MB21D2: variants seen among roughly 807,000 people sequenced by gnomAD.
MB21D2 encodes nucleotidyltransferase MB21D2.
MB21D2 carries 9 observed loss-of-function variants against 33.3 expected under a neutral mutation model. The observed-to-expected ratio is 0.27, with a 90% CI of 0.16 to 0.47. The LOEUF (loss-of-function observed/expected upper bound fraction) is 0.47. Ranked by LOEUF, MB21D2 falls within the 20% of genes least tolerant of loss-of-function variation. The pLI is 0.99. For synonymous variants in MB21D2, 241 were observed against 236.3 expected, an observed-to-expected ratio of 1.02 and a Z score of -0.18; for missense variants, 540 against 624.6, an observed-to-expected ratio of 0.86 and a Z score of 1.44.
chr3:192,827,123 C>T (rs1712191254), intron 1 of MB21D2, among the ~76,000 whole-genome samples: 1 of 152,068 alleles, frequency 6.6e-6, no homozygotes, highest in Non-Finnish European at 1.5e-5. Context: ...GTCTCGATCT[C>T]CTGACCTCGT....
intron 1 of MB21D2, among the ~76,000 whole-genome samples, chr3:192,857,362 G>A (rs921480398): frequency 5.9e-5 from 9 of 152,134 alleles, no homozygotes; most frequent in African/African-American, 2.2e-4. Context: ...GTGGAAGATG[G>A]GCTTTAAAGA....
At chr3:192,886,992 A>G (rs1301044230) in intron 1 of MB21D2, among the ~76,000 whole-genome samples, 1 of 112,318 alleles carries the variant, frequency 8.9e-6, no homozygotes, top group Non-Finnish European at 1.8e-5. Flanking sequence ...TAAGGAAAGG[A>G]AAAAAAAAAA....
At chr3:192,864,029 T>C (rs571170020) in intron 1 of MB21D2, among the ~76,000 whole-genome samples, 95 of 152,310 alleles carry the variant, frequency 6.2e-4, no homozygotes, top group African/African-American at 2.0e-3. Flanking sequence ...CAGATGTCTT[T>C]ACATCAGTAG....
At position 192,899,432 on chromosome 3, in the gene MB21D2, G is replaced by T. The variant is rs563410270; in HGVS notation, c.211+18198C>A. On this transcript the variant is annotated intron_variant, in intron 1 of 1. Coordinates refer to ENST00000392452, the MANE Select transcript of MB21D2 (RefSeq NM_178496.4). ...TAATCCCAGCTACTTGGGAGGCTGA[G>T]GCAGGAGAATCACTTGAACCCAGGA... Among the ~76,000 whole-genome samples the T allele has an allele frequency of 5.3e-5, 8 of 152,236 alleles. No homozygotes were observed. In the East Asian group the frequency reaches 1.5e-3, roughly 29 times the overall value.
intron 1 of MB21D2, among the ~76,000 whole-genome samples, chr3:192,800,024 T>C (rs1711522563): frequency 6.6e-6 from 1 of 152,188 alleles, no homozygotes; most frequent in Non-Finnish European, 1.5e-5. Context: ...CCAAATCTTT[T>C]CCATGGAACC....
intron 1 of MB21D2, among the ~76,000 whole-genome samples, chr3:192,905,824 CCT>C (rs1714205170): frequency 6.6e-6 from 1 of 151,534 alleles, no homozygotes; most frequent in Non-Finnish European, 1.5e-5. Context: ...CAGAGCACGC[CCT>C]GTCTCAAAAA....
intron 1 of MB21D2, among the ~76,000 whole-genome samples, chr3:192,880,693 A>G (rs906365274): frequency 6.6e-6 from 1 of 152,168 alleles, no homozygotes; most frequent in African/African-American, 2.4e-5. Flanking sequence ...TGTAACTGTC[A>G]GCAAGCCCTC....
At chr3:192,905,509 C>T (rs1714190730) in intron 1 of MB21D2, among the ~76,000 whole-genome samples, 1 of 151,550 alleles carries the variant, frequency 6.6e-6, no homozygotes, top group African/African-American at 2.4e-5. Flanking sequence ...TGGTGTCAGG[C>T]GCCTGTAATC....
chr3:192,902,527 AAG>A (rs1714124799), intron 1 of MB21D2, among the ~76,000 whole-genome samples: 1 of 152,208 alleles, frequency 6.6e-6, no homozygotes, highest in African/African-American at 2.4e-5. Context: ...AACAGTGAGG[AAG>A]AGTTTCTCAA....
intron 1 of MB21D2, among the ~76,000 whole-genome samples, chr3:192,856,888 A>G (rs1712929899): frequency 6.6e-6 from 1 of 152,104 alleles, no homozygotes; most frequent in South Asian, 2.1e-4. Context: ...CTTATCTACT[A>G]ATTATCTTCT....
intron 1 of MB21D2, among the ~76,000 whole-genome samples, chr3:192,804,648 T>C (rs1711625492): frequency 6.6e-6 from 1 of 152,186 alleles, no homozygotes; most frequent in Admixed American, 6.5e-5. Context: ...ATGTAGCACA[T>C]ACCAGTAACA....
At chr3:192,801,027 G>A (rs1711552804) in intron 1 of MB21D2, among the ~76,000 whole-genome samples, 1 of 152,218 alleles carries the variant, frequency 6.6e-6, no homozygotes. Context: ...TTAAGAGATT[G>A]TGGGTCCTTT....
In MB21D2 at chr3:192,828,591, CATATATATATATATATATAT is replaced by C. The variant is rs58394740; in HGVS notation, c.212-28961_212-28942del. Among the ~76,000 whole-genome samples, 50 of 54,086 alleles carry C rather than the reference CATATATATATATATATATAT, an allele frequency of 9.2e-4. 1 individual carries two copies. The highest frequency in any genetic ancestry group is 1.2e-3 in the Non-Finnish European group (32 of 25,798). The allele number at this position is 54,086 out of a possible 152,430, so 35.5% of individuals were successfully genotyped here. On this transcript the variant is annotated intron_variant, in intron 1 of 1. Transcript: ENST00000392452. ...TATATACAATAAAACTCACCCCCCC[CATATATATATATATATATAT>C]ATATATATATATATATATATATATA...
rs114873385 is a variant in MB21D2, at chr3:192,870,209, G to A, written c.211+47421C>T. 2.7e-3 allele frequency among the ~76,000 whole-genome samples: 415 copies of A among 152,026 alleles called. 3 individuals carry two copies. The highest frequency in any genetic ancestry group is 9.5e-3 in the African/African-American group (392 of 41,462). ...CTTCTGTAACACGAATCCCTAACACGGGTCAGGAAACCTAGTCAGGATTCC... is the reference window on the plus strand; with the variant it reads ...CTTCTGTAACACGAATCCCTAACACAGGTCAGGAAACCTAGTCAGGATTCC... On this transcript the variant is annotated intron_variant, in intron 1 of 1. Coordinates refer to ENST00000392452, the MANE Select transcript of MB21D2 (RefSeq NM_178496.4).
At chr3:192,911,782 C>G (rs993907462) in intron 1 of MB21D2, among the ~76,000 whole-genome samples, 1 of 152,042 alleles carries the variant, frequency 6.6e-6, no homozygotes, top group African/African-American at 2.4e-5. Context: ...GAATTGAAAC[C>G]AATCCAAACT....
chr3:192,875,155 C>T (rs553909746), intron 1 of MB21D2, among the ~76,000 whole-genome samples: 30 of 152,334 alleles, frequency 2.0e-4, no homozygotes, highest in African/African-American at 7.0e-4. Flanking sequence ...CATGCTACAC[C>T]ATGTTTGCTG....
chr3:192,849,170 C>T (rs1437595024), intron 1 of MB21D2, among the ~76,000 whole-genome samples: 1 of 152,168 alleles, frequency 6.6e-6, no homozygotes, highest in African/African-American at 2.4e-5. Flanking sequence ...GCTGGCTTCC[C>T]ACCACTCCGT....
chr3:192,851,367 G>T lies in MB21D2; in HGVS notation c.212-51717C>A, dbSNP rs1214728161. 3.3e-5 allele frequency among the ~76,000 whole-genome samples: 5 copies of T among 152,148 alleles called. No individual in the cohort carries two copies. In the South Asian group the frequency reaches 1.0e-3, roughly 32 times the overall value. ...GGCTGTTGGGGAGTGGGGAGTAGAAGGTGACTGCTAATGAGTATGGGGTTT... is the reference window on the plus strand; with the variant it reads ...GGCTGTTGGGGAGTGGGGAGTAGAATGTGACTGCTAATGAGTATGGGGTTT... On this transcript the variant is annotated intron_variant, in intron 1 of 1. Transcript: ENST00000392452.
chr3:192,835,044 G>A (rs1560234749), intron 1 of MB21D2, among the ~76,000 whole-genome samples: 1 of 149,544 alleles, frequency 6.7e-6, no homozygotes, highest in Non-Finnish European at 1.5e-5. Context: ...TCTTGACCTC[G>A]TGATCAGCTC....
Sources: gnomAD v4.1 joint callset for allele counts (sites outside exome capture counted in the v4.1 genomes callset) on GRCh38, gnomAD v4.1.1 for gene constraint, MANE v1.5 for transcripts, NCBI Gene and HGNC (gene_info 2026-07-23, HGNC 2026-07-21) for gene names.